AFDN: variants seen among roughly 807,000 people sequenced by gnomAD.
AFDN encodes afadin.
Under a neutral mutation model 216.6 loss-of-function variants are expected in AFDN, and 68 were observed. The observed-to-expected ratio is 0.31, with a 90% CI of 0.26 to 0.38. AFDN has a LOEUF of 0.38. AFDN is among the 10% of genes least tolerant of loss of function. The pLI, the probability that AFDN is intolerant of heterozygous loss-of-function variation, is 1.00. For synonymous variants in AFDN, 868 were observed against 853.7 expected, an observed-to-expected ratio of 1.02 and a Z score of -0.29; for missense variants, 2,136 against 2,342.0, an observed-to-expected ratio of 0.91 and a Z score of 1.82.
At chr6:167,849,657 T>C (rs893590451) in intron 1 of AFDN, among the ~76,000 whole-genome samples, 1 of 152,212 alleles carries the variant, frequency 6.6e-6, no homozygotes, top group Non-Finnish European at 1.5e-5. Context: ...TATATGTGTA[T>C]GTGTTAGCCT....
chr6:167,907,483 T>C (rs1049051606), intron 13 of AFDN, among the ~76,000 whole-genome samples, 194 bp downstream of exon 13: 5 of 152,252 alleles, frequency 3.3e-5, no homozygotes, highest in African/African-American at 7.2e-5. Flanking sequence ...CCCTCACTTA[T>C]ATGCCACAGT....
intron 10 of AFDN, among the ~76,000 whole-genome samples, chr6:167,897,991 G>C (rs1302662989): frequency 6.6e-6 from 1 of 151,770 alleles, no homozygotes; most frequent in Non-Finnish European, 1.5e-5. Flanking sequence ...TAAGTCACTG[G>C]GTACTAAAAA....
chr6:167,957,078 C>T (rs1244536082), intron 30 of AFDN, among the ~76,000 whole-genome samples: 1 of 152,150 alleles, frequency 6.6e-6, no homozygotes, highest in East Asian at 1.9e-4. Flanking sequence ...TGACCCTCCA[C>T]ATGTTGGGCC....
chr6:167,875,729 A>C (rs1785287708), intron 5 of AFDN, among the ~76,000 whole-genome samples: 1 of 152,112 alleles, frequency 6.6e-6, no homozygotes, highest in Admixed American at 6.5e-5. Flanking sequence ...TAAAAAAAAA[A>C]AACTAGAAAA....
At chr6:167,956,311 C>T (rs1321479808) in intron 30 of AFDN, among the ~76,000 whole-genome samples, 1 of 151,936 alleles carries the variant, frequency 6.6e-6, no homozygotes. Context: ...ACAGGATTTT[C>T]AGGTAGGTAA....
intron 1 of AFDN, among the ~76,000 whole-genome samples, chr6:167,834,645 T>G (rs773250259): frequency 2.6e-5 from 4 of 152,054 alleles, no homozygotes; most frequent in Admixed American, 6.6e-5. Context: ...TTGAACTTAC[T>G]TTATTTTCAT....
intron 6 of AFDN, among the ~76,000 whole-genome samples, chr6:167,887,878 C>T (rs1414179577): frequency 1.3e-5 from 2 of 151,986 alleles, no homozygotes; most frequent in African/African-American, 4.8e-5. Context: ...AGAAGCTGCC[C>T]TTAGAGCTTA....
chr6:167,955,545 C>A (rs1282254811), intron 30 of AFDN, among the ~76,000 whole-genome samples: 2 of 152,138 alleles, frequency 1.3e-5, no homozygotes, highest in Non-Finnish European at 2.9e-5. Flanking sequence ...CAAATACTTG[C>A]TCAGCATCCA....
At chr6:167,925,644 C>T (rs1256939374) in intron 23 of AFDN, among the ~76,000 whole-genome samples, 3 of 152,168 alleles carry the variant, frequency 2.0e-5, no homozygotes, top group African/African-American at 7.2e-5. Flanking sequence ...GACTGCTGGA[C>T]CACCCTCCTG....
At chr6:167,930,580 G>A (rs1235831198) in intron 23 of AFDN, among the ~76,000 whole-genome samples, 1 of 152,164 alleles carries the variant, frequency 6.6e-6, no homozygotes. Context: ...GAAGCCATGT[G>A]GGGTGTGTGG....
chr6:167,830,918 G>T, intron 1 of AFDN, among the ~76,000 whole-genome samples: 1 of 135,864 alleles, frequency 7.4e-6, no homozygotes, highest in Non-Finnish European at 1.6e-5. Flanking sequence ...TCATACAACT[G>T]AACTATATTT....
At chr6:167,964,127 GATTATT>G (rs1417139455) in intron 31 of AFDN, 2 of 1,064,100 alleles carry the variant, frequency 1.9e-6, no homozygotes, top group African/African-American at 1.6e-5. Context: ...CATAACTCAT[GATTATT>G]TGAAATACAC....
chr6:167,880,291 T>TA, intron 5 of AFDN, 69 bp from the exon 6 acceptor site: 1 of 1,454,006 alleles, frequency 6.9e-7, no homozygotes, highest in Non-Finnish European at 9.5e-7. Flanking sequence ...CAAGTGACTG[T>TA]AAATGTTAGC....
In AFDN at chr6:167,951,790, G is replaced by A. The variant is rs756122883; in HGVS notation, c.4436G>A (p.Arg1479Gln). ...CCCGAAAAGCCTTCCACACTCCAGCGGCCACAGGAAACAGTCATTCGGGAG... is the reference window on the plus strand; with the variant it reads ...CCCGAAAAGCCTTCCACACTCCAGCAGCCACAGGAAACAGTCATTCGGGAG... The part of the protein sequence containing the change: ...MKPEKPSTLQ[R>Q]PQETVIRELQ... The change falls in exon 30 of 34, where the codon CGG becomes CAG. Residue 1479 changes from arginine (R) to glutamine (Q), a missense_variant. Transcript: ENST00000683244. This position sits in a 1 kb window ranked among gnomAD's most constrained non-coding sequence, Gnocchi z 7.1. The A allele has an allele frequency of 1.5e-5, 25 of 1,613,990 alleles. No individual in the cohort carries two copies. The highest frequency in any genetic ancestry group is 4.5e-5 in the East Asian group (2 of 44,878).
At chr6:167,840,556 C>T (rs1282479959) in intron 1 of AFDN, among the ~76,000 whole-genome samples, 2 of 152,218 alleles carry the variant, frequency 1.3e-5, no homozygotes, top group South Asian at 4.1e-4. Context: ...AGAGCTCCAG[C>T]TACTCACAGA....
Position 167,907,191 on chromosome 6 carries a change from C to T in AFDN, c.1671C>T (p.Ser557=), listed in dbSNP as rs144392658. Residue 557 remains serine (S), a synonymous_variant, in exon 13 of 34, where the codon AGC becomes AGT. Transcript: ENST00000683244. ...PTSKSTTRLD[S]DRVSSASSTA... is the part of the protein sequence containing the mutation. ...TGTAGAGCACCACTAGGCTGGACAGCGACAGAGTGTCGTCTGCCTCTAGCA... is the reference window on the plus strand; with the variant it reads ...TGTAGAGCACCACTAGGCTGGACAGTGACAGAGTGTCGTCTGCCTCTAGCA... 2.4e-5 allele frequency: 39 copies of T among 1,614,004 alleles called. No individual in the cohort carries two copies. In the African/African-American group the frequency reaches 3.6e-4, roughly 15 times the overall value.
At chr6:167,963,846 G>A in intron 31 of AFDN, 1 of 1,064,110 alleles carries the variant, frequency 9.4e-7, no homozygotes, top group Non-Finnish European at 1.1e-6. Flanking sequence ...TGATGTCTAA[G>A]TGTTGGTGGT....
At position 167,969,927 on chromosome 6, in the gene AFDN, A is replaced by G. The variant is rs373751283; in HGVS notation, c.5488A>G (p.Thr1830Ala). ...KLTELENELN[T>A]K ...AACAGAACTGGAGAATGAACTGAACACAAAGTGAAAGAAAATGAGGAGAAC... is the reference window on the plus strand; with the variant it reads ...AACAGAACTGGAGAATGAACTGAACGCAAAGTGAAAGAAAATGAGGAGAAC... The change falls in exon 34 of 34, where the codon ACA becomes GCA. Residue 1830 changes from threonine (T) to alanine (A), a missense_variant. Thr to Ala is a moderately conservative substitution (Grantham distance 58). Transcript: ENST00000683244. 65 of 1,605,964 alleles carry G rather than the reference A, an allele frequency of 4.0e-5. No homozygotes were observed. The highest frequency in any genetic ancestry group is 5.3e-5 in the Non-Finnish European group (63 of 1,177,850).
Position 167,970,070 on chromosome 6 carries a change from TG to T in AFDN, c.*138del. The T allele has an allele frequency of 1.3e-6, 1 of 743,206 alleles. No homozygotes were observed. The highest frequency in any genetic ancestry group is 2.0e-6 in the Non-Finnish European group (1 of 492,206). 46.0% of individuals were successfully genotyped at this position (743,206 alleles called of 1,614,324 possible). ...TTACAATTTCTGTTTCTAAAATTGT[TG>T]GGATTTAGAAATGTTTCAATTCCAA... is the stretch of plus-strand genomic sequence containing the variant. On this transcript the variant is annotated 3_prime_UTR_variant, in exon 34 of 34. Transcript: ENST00000683244.
Sources: allele counts gnomAD v4.1 joint callset (sites outside exome capture counted in the v4.1 genomes callset), GRCh38; gene constraint gnomAD v4.1.1; non-coding constraint Gnocchi (gnomAD v3.1); transcripts MANE v1.5; gene names NCBI Gene and HGNC (gene_info 2026-07-23, HGNC 2026-07-21).